Variants in PRKAG2 observed in about 807,000 individuals in gnomAD.
PRKAG2 encodes protein kinase AMP-activated non-catalytic subunit gamma 2, also known as 5'-AMP-activated protein kinase subunit gamma-2.
In PRKAG2, 26 loss-of-function variants were observed where a neutral mutation model predicts 69.6. The observed-to-expected ratio is 0.37, with a 90% CI of 0.27 to 0.52. The LOEUF is 0.52. Ranked by LOEUF, PRKAG2 falls within the 20% of genes least tolerant of loss-of-function variation. PRKAG2 has a pLI of 0.90. For synonymous variants in PRKAG2, 293 were observed against 285.0 expected, an observed-to-expected ratio of 1.03 and a Z score of -0.28; for missense variants, 557 against 740.0, an observed-to-expected ratio of 0.75 and a Z score of 2.87.
At chr7:151,589,845 G>T (rs937465518) in intron 6 of PRKAG2, among the ~76,000 whole-genome samples, 1 of 152,196 alleles carries the variant, frequency 6.6e-6, no homozygotes, top group East Asian at 1.9e-4. Flanking sequence ...TGAGGCACAA[G>T]AATTGCTTGA....
rs1489388935 is a variant in PRKAG2 at position 151,583,323 on chromosome 7, C to T, written c.865-6871G>A. The stretch of plus-strand genomic sequence containing the variant: ...AGATTTATTCTTTTAATTTCATCCA[C>T]ATACACTGTTGACCTGTCCGCAGGT... On this transcript the variant is annotated intron_variant, in intron 6 of 15. Coordinates refer to ENST00000287878, the MANE Select transcript of PRKAG2 (RefSeq NM_016203.4). The surrounding 1 kb of genome is among the most constrained non-coding windows in gnomAD (Gnocchi z 4.1). 1.3e-5 allele frequency among the ~76,000 whole-genome samples: 2 copies of T among 152,180 alleles called. No individual in the cohort carries two copies. Among genetic ancestry groups the T allele is most frequent in the Non-Finnish European group, 2.9e-5 (2 of 68,038 alleles).
intron 5 of PRKAG2, among the ~76,000 whole-genome samples, chr7:151,629,584 C>G (rs1219376787): frequency 1.3e-5 from 2 of 152,182 alleles, no homozygotes; most frequent in African/African-American, 4.8e-5. Context: ...CAAAGACGAC[C>G]CAACTAGGCA....
chr7:151,771,287 C>T lies in PRKAG2; in HGVS notation c.466+9865G>A, dbSNP rs2076008847. Among the ~76,000 whole-genome samples, 1 of 152,248 alleles carries T rather than the reference C, an allele frequency of 6.6e-6. No homozygotes were observed. The highest frequency in any genetic ancestry group is 2.4e-5 in the African/African-American group (1 of 41,462). ...TTTAAAATAAAACATTATATCACTTCTATCAGCACCACGTTTCTTGTCTTT... is the reference window on the plus strand; with the variant it reads ...TTTAAAATAAAACATTATATCACTTTTATCAGCACCACGTTTCTTGTCTTT... On this transcript the variant is annotated intron_variant, in intron 3 of 15. Coordinates refer to ENST00000287878, the MANE Select transcript of PRKAG2 (RefSeq NM_016203.4). This position sits in a 1 kb window ranked among gnomAD's most constrained non-coding sequence, Gnocchi z 4.0.
chr7:151,782,387 AGG>A (rs2076755910), intron 2 of PRKAG2, among the ~76,000 whole-genome samples: 1 of 97,706 alleles, frequency 1.0e-5, no homozygotes, highest in African/African-American at 3.4e-5. Flanking sequence ...GAAAGAAGGA[AGG>A]AAGGAAGGAA....
In PRKAG2 at chr7:151,569,324, TGCGCCC is replaced by T. The variant is rs571826466; in HGVS notation, c.1107-488_1107-483del. Among the ~76,000 whole-genome samples the T allele has an allele frequency of 9.0e-4, 137 of 152,404 alleles. 1 individual carries two copies. Among genetic ancestry groups the T allele is most frequent in the African/African-American group, 3.2e-3 (135 of 41,600 alleles). On this transcript the variant is annotated intron_variant, in intron 10 of 15. Transcript: ENST00000287878. The stretch of plus-strand genomic sequence containing the variant: ...TGCTGGGATTACGGGCATGAGCCCT[TGCGCCC>T]AGCCAGGAAGAGGAGTTTTTTTAAA...
chr7:151,876,681 C>T lies in PRKAG2; in HGVS notation c.-61G>A. 4 of 1,517,680 alleles carry T rather than the reference C, an allele frequency of 2.6e-6. No individual in the cohort carries two copies. The highest frequency in any genetic ancestry group is 3.6e-6 in the Non-Finnish European group (4 of 1,107,734). The allele number at this position is 1,517,680 out of a possible 1,614,324, so 94.0% of individuals were successfully genotyped here. A position where few individuals can be genotyped will look rare whatever the true frequency, so the allele number is the denominator to read the frequency against. Reference sequence around the variant, plus strand: ...GGGGGTTCGGTCCCCTCCTTCCCTCCCCCGGCCGCTGCCTTCGGACTGGAG... The same window carrying T: ...GGGGGTTCGGTCCCCTCCTTCCCTCTCCCGGCCGCTGCCTTCGGACTGGAG... On this transcript the variant is annotated 5_prime_UTR_variant, in exon 1 of 16. Coordinates refer to ENST00000287878, the MANE Select transcript of PRKAG2 (RefSeq NM_016203.4).
At chr7:151,862,277 T>C (rs760381616) in intron 1 of PRKAG2, among the ~76,000 whole-genome samples, 1 of 152,154 alleles carries the variant, frequency 6.6e-6, no homozygotes, top group Non-Finnish European at 1.5e-5. Context: ...AACACAGTAA[T>C]GTGCCTAAAA....
intron 3 of PRKAG2, chr7:151,735,857 C>T: frequency 6.5e-7 from 1 of 1,535,886 alleles, no homozygotes; most frequent in Non-Finnish European, 8.7e-7. Flanking sequence ...GGTTCCCTCC[C>T]AAGGACAGAC....
chr7:151,672,556 C>T (rs958398523), intron 4 of PRKAG2, among the ~76,000 whole-genome samples: 3 of 152,006 alleles, frequency 2.0e-5, no homozygotes, highest in Non-Finnish European at 4.4e-5. Context: ...CCCCCAGCCC[C>T]CGGTACCCAC....
chr7:151,711,154 A>G (rs1795240154), intron 3 of PRKAG2, among the ~76,000 whole-genome samples: 2 of 151,546 alleles, frequency 1.3e-5, no homozygotes, highest in African/African-American at 4.9e-5. Flanking sequence ...AACAGTGCTA[A>G]GCTGAGAGTA....
At chr7:151,869,412 C>T (rs2080160308) in intron 1 of PRKAG2, among the ~76,000 whole-genome samples, 2 of 152,194 alleles carry the variant, frequency 1.3e-5, no homozygotes, top group Admixed American at 6.5e-5. Context: ...CATATTTCAC[C>T]TCCACTGTAA....
intron 1 of PRKAG2, among the ~76,000 whole-genome samples, chr7:151,797,421 T>C (rs2077610085): frequency 6.6e-6 from 1 of 152,058 alleles, no homozygotes; most frequent in Admixed American, 6.5e-5. Flanking sequence ...TAGAGGACCT[T>C]GTGTGAGAGA....
At chr7:151,696,714 G>C (rs576627015) in intron 3 of PRKAG2, among the ~76,000 whole-genome samples, 3 of 152,230 alleles carry the variant, frequency 2.0e-5, no homozygotes, top group Admixed American at 1.3e-4. Context: ...CAGATCCATC[G>C]GAAGGCAGGG....
chr7:151,852,642 C>G (rs775554863), intron 1 of PRKAG2, among the ~76,000 whole-genome samples: 2 of 152,010 alleles, frequency 1.3e-5, no homozygotes, highest in Non-Finnish European at 2.9e-5. Flanking sequence ...CAGGCTGAGA[C>G]CATATGAAGA....
rs1217104185 is a variant in PRKAG2, at chr7:151,584,311, A to AGTGAAGCCCACCAAGC, written c.865-7875_865-7860dup. Among the ~76,000 whole-genome samples, 100 of 152,306 alleles carry AGTGAAGCCCACCAAGC rather than the reference A, an allele frequency of 6.6e-4. 1 individual carries two copies. The Middle Eastern group carries it at 0.02, about 31-fold the overall frequency. ...AAAGATGGCTGGCTTACTGCTCTTC[A>AGTGAAGCCCACCAAGC]GTGAAGCCCACCAAGCAAGAAGCCC... On this transcript the variant is annotated intron_variant, in intron 6 of 15. Coordinates refer to ENST00000287878, the MANE Select transcript of PRKAG2 (RefSeq NM_016203.4).
intron 1 of PRKAG2, among the ~76,000 whole-genome samples, chr7:151,859,247 G>A (rs1009124196): frequency 1.8e-4 from 27 of 152,364 alleles, no homozygotes; most frequent in Admixed American, 4.6e-4. Flanking sequence ...CACTCCGCGG[G>A]GAACGGCGTC....
intron 6 of PRKAG2, among the ~76,000 whole-genome samples, chr7:151,580,628 G>GT (rs1249131492): frequency 6.6e-6 from 1 of 152,168 alleles, no homozygotes; most frequent in East Asian, 1.9e-4. Flanking sequence ...AAGATGGAAA[G>GT]TAGTAAGTCA....
intron 3 of PRKAG2, among the ~76,000 whole-genome samples, chr7:151,724,132 G>A (rs1486505262): frequency 6.6e-6 from 1 of 152,156 alleles, no homozygotes; most frequent in East Asian, 1.9e-4. Context: ...CTGGGTCCGG[G>A]GGGTGCTGGT....
intron 3 of PRKAG2, among the ~76,000 whole-genome samples, chr7:151,694,805 GCTGC>G (rs1279820107): frequency 3.3e-5 from 5 of 152,358 alleles, no homozygotes; most frequent in Admixed American, 2.0e-4. Flanking sequence ...AACTATGGTT[GCTGC>G]CTGCATGGCC....
Sources: gnomAD v4.1 joint callset for allele counts (sites outside exome capture counted in the v4.1 genomes callset) on GRCh38, gnomAD v4.1.1 for gene constraint, Gnocchi (gnomAD v3.1) non-coding constraint, MANE v1.5 for transcripts, NCBI Gene and HGNC (gene_info 2026-07-23, HGNC 2026-07-21) for gene names.